NCAM2: variants seen among roughly 807,000 people sequenced by gnomAD.
The protein encoded by NCAM2 is neural cell adhesion molecule 2, also known as N-CAM-2.
In NCAM2, 30 loss-of-function variants were observed where a neutral mutation model predicts 98.1. The ratio of observed to expected loss-of-function variants is 0.31; its 90% confidence interval spans 0.23 to 0.41. The LOEUF (loss-of-function observed/expected upper bound fraction) is 0.41. Ranked by LOEUF, NCAM2 falls within the 10% of genes least tolerant of loss-of-function variation. NCAM2 has a pLI of 1.00. For synonymous variants in NCAM2, 368 were observed against 342.4 expected, an observed-to-expected ratio of 1.07 and a Z score of -0.83; for missense variants, 867 against 1,005.8, an observed-to-expected ratio of 0.86 and a Z score of 1.87.
chr21:21,329,791 T>C (rs1271934524), intron 6 of NCAM2, among the ~76,000 whole-genome samples: 2 of 152,148 alleles, frequency 1.3e-5, no homozygotes, highest in East Asian at 3.8e-4. Context: ...CATGTCATAA[T>C]TTTTCTTAAG....
chr21:21,433,742 C>CAATAAAATA (rs2077396389), intron 12 of NCAM2, among the ~76,000 whole-genome samples: 1 of 105,200 alleles, frequency 9.5e-6, no homozygotes, highest in African/African-American at 3.9e-5. Flanking sequence ...GACTCCATCT[C>CAATAAAATA]AATAAAATAA....
intron 6 of NCAM2, among the ~76,000 whole-genome samples, chr21:21,333,889 A>T (rs2074782463): frequency 6.6e-6 from 1 of 152,126 alleles, no homozygotes; most frequent in Non-Finnish European, 1.5e-5. Flanking sequence ...TGTCATTTTT[A>T]TACCTGTTGT....
chr21:21,320,471 A>T (rs1219548464), intron 5 of NCAM2, among the ~76,000 whole-genome samples: 2 of 152,158 alleles, frequency 1.3e-5, no homozygotes, highest in Non-Finnish European at 2.9e-5. Flanking sequence ...TCACCCTCAT[A>T]AATTCAGAAT....
At chr21:21,530,804 AT>A in intron 16 of NCAM2, among the ~76,000 whole-genome samples, 1 of 151,934 alleles carries the variant, frequency 6.6e-6, no homozygotes, top group African/African-American at 2.4e-5. Flanking sequence ...TGTTTTGAAT[AT>A]CCATATATAT....
intron 5 of NCAM2, among the ~76,000 whole-genome samples, chr21:21,302,689 T>A (rs2147655590): frequency 6.6e-6 from 1 of 152,240 alleles, no homozygotes; most frequent in African/African-American, 2.4e-5. Context: ...GAAAGCAGTT[T>A]GGAGACTTCT....
chr21:21,516,855 A>G (rs1988741306), intron 16 of NCAM2, among the ~76,000 whole-genome samples: 1 of 152,154 alleles, frequency 6.6e-6, no homozygotes, highest in South Asian at 2.1e-4. Context: ...CCGACATTCT[A>G]CCATCCCCTT....
chr21:21,233,824 A>G (rs1423000451), intron 1 of NCAM2, among the ~76,000 whole-genome samples: 1 of 151,780 alleles, frequency 6.6e-6, no homozygotes, highest in Non-Finnish European at 1.5e-5. Flanking sequence ...GAATATCAAT[A>G]AAAATTACCA....
At chr21:21,456,106 A>T (rs1178377755) in intron 12 of NCAM2, among the ~76,000 whole-genome samples, 2 of 152,140 alleles carry the variant, frequency 1.3e-5, no homozygotes, top group Non-Finnish European at 2.9e-5. Flanking sequence ...GTGATTTGGT[A>T]TGTTCCATAG....
rs139918721 is a variant in NCAM2, at chr21:21,131,423, G to A, written c.55+132805G>A. On this transcript the variant is annotated intron_variant, in intron 1 of 17. Coordinates refer to ENST00000400546, the MANE Select transcript of NCAM2 (RefSeq NM_004540.5). Reference sequence around the variant, plus strand: ...CTAGTAGCTGGGATTACAGGCATGCGCCACCACACTGGGCTAATTTTGTAT... The same window carrying A: ...CTAGTAGCTGGGATTACAGGCATGCACCACCACACTGGGCTAATTTTGTAT... Among the ~76,000 whole-genome samples the A allele has an allele frequency of 6.5e-3, 984 of 152,090 alleles. 18 individuals carry two copies. Among genetic ancestry groups the A allele is most frequent in the African/African-American group, 0.023 (940 of 41,474 alleles).
chr21:21,489,398 C>G (rs988353452), intron 15 of NCAM2, among the ~76,000 whole-genome samples: 5 of 151,482 alleles, frequency 3.3e-5, no homozygotes, highest in East Asian at 1.9e-4. Context: ...CTGTCTCTTC[C>G]TCCTTTCTCT....
At chr21:21,246,679 T>C (rs1473772012) in intron 1 of NCAM2, among the ~76,000 whole-genome samples, 1 of 152,196 alleles carries the variant, frequency 6.6e-6, no homozygotes, top group East Asian at 1.9e-4. Context: ...AATAATCACA[T>C]TGATTGAAAA....
intron 1 of NCAM2, among the ~76,000 whole-genome samples, chr21:21,263,843 C>G (rs950658964): frequency 6.6e-6 from 1 of 151,886 alleles, no homozygotes; most frequent in African/African-American, 2.4e-5. Flanking sequence ...TTGAACCACG[C>G]ACAAAAAGTA....
chr21:21,260,882 G>A (rs1329204958), intron 1 of NCAM2, among the ~76,000 whole-genome samples: 1 of 151,936 alleles, frequency 6.6e-6, no homozygotes, highest in Non-Finnish European at 1.5e-5. Flanking sequence ...GAAATAGTCT[G>A]ATTTTTCCAC....
intron 1 of NCAM2, among the ~76,000 whole-genome samples, chr21:21,141,827 G>A (rs1047140304): frequency 1.3e-5 from 2 of 152,188 alleles, no homozygotes. Context: ...GAAGTGAACT[G>A]ATTAACTGAT....
intron 8 of NCAM2, among the ~76,000 whole-genome samples, chr21:21,349,307 GCAAA>G (rs1215358088): frequency 6.6e-6 from 1 of 152,022 alleles, no homozygotes; most frequent in Admixed American, 6.6e-5. Flanking sequence ...TACACAAATG[GCAAA>G]CAGATATATG....
intron 1 of NCAM2, among the ~76,000 whole-genome samples, chr21:21,003,929 A>C (rs953737753): frequency 1.3e-5 from 2 of 152,224 alleles, no homozygotes; most frequent in South Asian, 2.1e-4. Flanking sequence ...ATTTGCCAGC[A>C]GATGGCAGTA....
At position 21,411,077 on chromosome 21, in the gene NCAM2, CAT is replaced by C. The variant is rs1276632066; in HGVS notation, c.1383+625_1383+626del. 1.9e-3 allele frequency among the ~76,000 whole-genome samples: 12 copies of C among 6,212 alleles called. 1 individual carries two copies. Among genetic ancestry groups the C allele is most frequent in the African/African-American group, 8.5e-3 (11 of 1,296 alleles). 4.1% of individuals were successfully genotyped at this position (6,212 alleles called of 152,430 possible). A position where few individuals can be genotyped will look rare whatever the true frequency, so the allele number is the denominator to read the frequency against. On this transcript the variant is annotated intron_variant, in intron 10 of 17. Coordinates refer to ENST00000400546, the MANE Select transcript of NCAM2 (RefSeq NM_004540.5). ...GTGTATATATATATATATACACACA[CAT>C]ATATATATGTGTGTATATATATACA...
At chr21:21,530,845 G>T (rs1989653509) in intron 16 of NCAM2, among the ~76,000 whole-genome samples, 1 of 151,620 alleles carries the variant, frequency 6.6e-6, no homozygotes, top group African/African-American at 2.4e-5. Flanking sequence ...TAAGATACTA[G>T]ATGTAGAATG....
At chr21:21,129,065 A>G (rs1046192727) in intron 1 of NCAM2, among the ~76,000 whole-genome samples, 1 of 152,200 alleles carries the variant, frequency 6.6e-6, no homozygotes, top group Admixed American at 6.5e-5. Context: ...ATTAAGAGCT[A>G]TCATTAAGTT....
Sources: allele counts gnomAD v4.1 joint callset (sites outside exome capture counted in the v4.1 genomes callset), GRCh38; gene constraint gnomAD v4.1.1; transcripts MANE v1.5; gene names NCBI Gene and HGNC (gene_info 2026-07-23, HGNC 2026-07-21).